The following LRP1B variants were observed in gnomAD, a reference collection of about 807,000 sequenced individuals.
LRP1B encodes the protein low-density lipoprotein receptor-related protein 1B.
Under a neutral mutation model 556.6 loss-of-function variants are expected in LRP1B, and 217 were observed. The ratio of observed to expected loss-of-function variants is 0.39; its 90% CI spans 0.35 to 0.44. The LOEUF is 0.44. LRP1B is among the 20% of genes least tolerant of loss of function. The pLI is 1.00. For synonymous variants in LRP1B, 2,047 were observed against 1,865.8 expected (o/e 1.10, Z -2.50); for missense variants, 5,053 against 5,620.8 (o/e 0.90, Z 3.23).
intron 2 of LRP1B, among the ~76,000 whole-genome samples, chr2:141,806,107 A>G (rs189118515): frequency 6.6e-6 from 1 of 152,234 alleles, no homozygotes; most frequent in African/African-American, 2.4e-5. Context: ...AAAATATCAT[A>G]CATCAGCTGG....
intron 43 of LRP1B, among the ~76,000 whole-genome samples, chr2:140,568,671 T>C (rs1681213591): frequency 6.6e-6 from 1 of 152,092 alleles, no homozygotes; most frequent in Non-Finnish European, 1.5e-5. Context: ...AAAGTTCCTT[T>C]CTGAAGCACA....
intron 7 of LRP1B, among the ~76,000 whole-genome samples, chr2:141,145,185 T>C (rs975483173): frequency 6.6e-5 from 10 of 152,344 alleles, no homozygotes; most frequent in African/African-American, 2.4e-4. Context: ...TGTCAATCAC[T>C]ATTAGTTTAG....
At chr2:141,074,565 C>CTG (rs1553456097) in intron 7 of LRP1B, among the ~76,000 whole-genome samples, 4 of 100,044 alleles carry the variant, frequency 4.0e-5, no homozygotes, top group African/African-American at 7.1e-5. Context: ...CTTTCTGTCT[C>CTG]TCTGTCTCTC....
chr2:140,981,893 G>A lies in LRP1B; in HGVS notation c.2887+267C>T, dbSNP rs559273902. Among the ~76,000 whole-genome samples the A allele has an allele frequency of 4.3e-4, 65 of 152,190 alleles. No homozygotes were observed. In the South Asian group the frequency reaches 4.4e-3, roughly 10 times the overall value. On this transcript the variant is annotated intron_variant, in intron 18 of 90. Coordinates refer to ENST00000389484, the MANE Select transcript of LRP1B (RefSeq NM_018557.3). ...CATTTGAGAGTGTCCTGTTAGCCGCGTAATAACCACTTCCTAATAAAATCT... is the reference window on the plus strand; with the variant it reads ...CATTTGAGAGTGTCCTGTTAGCCGCATAATAACCACTTCCTAATAAAATCT...
chr2:140,507,675 TAA>T (rs563569840), intron 52 of LRP1B, among the ~76,000 whole-genome samples: 63 of 152,300 alleles, frequency 4.1e-4, no homozygotes, highest in African/African-American at 1.3e-3. Context: ...CATAGAATCA[TAA>T]GAGGTTTGCA....
Position 140,341,954 on chromosome 2 carries a change from A to G in LRP1B, c.11893-6116T>C, listed in dbSNP as rs544115021. On this transcript the variant is annotated intron_variant, in intron 77 of 90. Transcript: ENST00000389484. ...AATGAACTCCAGGGAGAAGAGAGGG[A>G]AAGTTAAATCGAGGTTTTTCTAAGA... 7.3e-5 allele frequency among the ~76,000 whole-genome samples: 11 copies of G among 151,506 alleles called. No individual in the cohort carries two copies. The East Asian group carries it at 2.1e-3, about 30-fold the overall frequency.
intron 41 of LRP1B, among the ~76,000 whole-genome samples, chr2:140,619,719 A>C (rs1488075161): frequency 6.6e-6 from 1 of 152,218 alleles, no homozygotes; most frequent in African/African-American, 2.4e-5. Context: ...GCACTATGGA[A>C]ATAAATGTTG....
intron 66 of LRP1B, among the ~76,000 whole-genome samples, chr2:140,408,134 C>T (rs1424237522): frequency 1.3e-5 from 2 of 151,814 alleles, no homozygotes; most frequent in Non-Finnish European, 2.9e-5. Context: ...GCTATGAGGA[C>T]ACAAAGACAT....
chr2:141,670,513 CTG>C (rs1690626854), intron 2 of LRP1B, among the ~76,000 whole-genome samples: 1 of 152,072 alleles, frequency 6.6e-6, no homozygotes, highest in African/African-American at 2.4e-5. Context: ...AAGGGGATGA[CTG>C]TAGGGGTTTG....
At chr2:141,343,793 A>G (rs1688152290) in intron 3 of LRP1B, among the ~76,000 whole-genome samples, 1 of 152,182 alleles carries the variant, frequency 6.6e-6, no homozygotes, top group Non-Finnish European at 1.5e-5. Flanking sequence ...TCTTATAAGC[A>G]TGTGCTCATT....
intron 1 of LRP1B, among the ~76,000 whole-genome samples, chr2:141,924,950 A>G (rs932990712): frequency 6.6e-6 from 1 of 152,126 alleles, no homozygotes; most frequent in African/African-American, 2.4e-5. Flanking sequence ...AGTTATATTA[A>G]TTGGTTGGTA....
intron 66 of LRP1B, among the ~76,000 whole-genome samples, chr2:140,394,276 C>T (rs116066729): frequency 0.02 from 3,100 of 152,018 alleles, 36 homozygotes; most frequent in African/African-American, 0.028. Flanking sequence ...CTTCCACTAC[C>T]ACAAGGGAGG....
At position 141,173,863 on chromosome 2, in the gene LRP1B, C is replaced by T. The variant is rs76436129; in HGVS notation, c.1013+14558G>A. Among the ~76,000 whole-genome samples, 1,112 of 152,080 alleles carry T rather than the reference C, an allele frequency of 7.3e-3. 12 individuals are homozygous for T. Among genetic ancestry groups the T allele is most frequent in the African/African-American group, 0.025 (1,020 of 41,520 alleles). ...CTGCTATGTGAGACAAATTTACTTA[C>T]CTCTTAAGCCAGTTAAAGATGAGAT... On this transcript the variant is annotated intron_variant, in intron 7 of 90. Coordinates refer to ENST00000389484, the MANE Select transcript of LRP1B (RefSeq NM_018557.3).
intron 3 of LRP1B, among the ~76,000 whole-genome samples, chr2:141,426,868 C>G (rs72987161): frequency 0.011 from 1,608 of 152,282 alleles, 29 homozygotes; most frequent in African/African-American, 0.036. Flanking sequence ...AAACAATCTT[C>G]ATTAGTGCAT....
chr2:141,766,327 T>A (rs1694732329), intron 2 of LRP1B, among the ~76,000 whole-genome samples: 3 of 152,194 alleles, frequency 2.0e-5, no homozygotes, highest in Admixed American at 2.0e-4. Context: ...TGTTCCAGAT[T>A]GTGTGAAATC....
chr2:140,442,662 A>G, intron 65 of LRP1B, 39 bp from the exon 66 acceptor site: 4 of 1,602,496 alleles, frequency 2.5e-6, no homozygotes, highest in Non-Finnish European at 3.4e-6. Flanking sequence ...AGCTTTGGAG[A>G]ACATATTTAT....
chr2:141,160,037 G>A (rs1467061447), intron 7 of LRP1B, among the ~76,000 whole-genome samples: 1 of 151,910 alleles, frequency 6.6e-6, no homozygotes, highest in Non-Finnish European at 1.5e-5. Flanking sequence ...AGGTCAATAG[G>A]TGCAGCAAAC....
At chr2:142,081,702 T>C (rs7577384) in intron 1 of LRP1B, among the ~76,000 whole-genome samples, 74,856 of 151,900 alleles carry the variant, frequency 0.49, 18,822 homozygotes, top group East Asian at 0.69. Context: ...TGGTCTCAAA[T>C]TCCTGGGCTC....
intron 2 of LRP1B, among the ~76,000 whole-genome samples, chr2:141,688,847 G>A (rs2105441997): frequency 6.6e-6 from 1 of 151,904 alleles, no homozygotes; most frequent in South Asian, 2.1e-4. Context: ...TAGGATGGAT[G>A]GGTAATAATG....
Sources: gnomAD v4.1 joint callset for allele counts (sites outside exome capture counted in the v4.1 genomes callset) on GRCh38, gnomAD v4.1.1 for gene constraint, MANE v1.5 for transcripts, NCBI Gene and HGNC (gene_info 2026-07-23, HGNC 2026-07-21) for gene names.